Variants in FBXW2 observed in about 807,000 individuals in gnomAD.
The protein encoded by FBXW2 is F-box and WD repeat domain containing 2.
Under a neutral mutation model 46.0 loss-of-function variants are expected in FBXW2, and 12 were observed. That is an observed-to-expected ratio of 0.26 (90% confidence interval 0.17 to 0.42). FBXW2 has a LOEUF of 0.42. Ranked by LOEUF, FBXW2 falls within the 10% of genes least tolerant of loss-of-function variation. FBXW2 has a pLI of 1.00. For synonymous variants in FBXW2, 203 were observed against 209.6 expected, an observed-to-expected ratio of 0.97 and a Z score of 0.27; for missense variants, 360 against 537.0, an observed-to-expected ratio of 0.67 and a Z score of 3.26.
intron 6 of FBXW2, among the ~76,000 whole-genome samples, 160 bp from the exon 7 acceptor site, chr9:120,771,677 C>T (rs1385913384): frequency 6.6e-6 from 1 of 152,200 alleles, no homozygotes; most frequent in Non-Finnish European, 1.5e-5. Flanking sequence ...TCTTAATTCT[C>T]CTGTGCAATC....
At chr9:120,790,611 C>A (rs1588053762) in intron 2 of FBXW2, among the ~76,000 whole-genome samples, 1 of 152,212 alleles carries the variant, frequency 6.6e-6, no homozygotes, top group Admixed American at 6.5e-5. Context: ...CATACACATG[C>A]TGACACACAT....
In FBXW2 at chr9:120,792,980, G is replaced by A. The variant is rs551705028; in HGVS notation, c.-21+169C>T. 8 of 1,533,692 alleles carry A rather than the reference G, an allele frequency of 5.2e-6. No homozygotes were observed. In the South Asian group the frequency reaches 6.0e-5, roughly 12 times the overall value. On this transcript the variant is annotated intron_variant, in intron 2 of 7. Transcript: ENST00000608872. Reference sequence around the variant, plus strand: ...CACTTCATCGTCTTTCAAACGTTTGGTAGCCCTGGGACATCACTGTTAACT... The same window carrying A: ...CACTTCATCGTCTTTCAAACGTTTGATAGCCCTGGGACATCACTGTTAACT...
At chr9:120,774,932 G>A (rs528452436) in intron 5 of FBXW2, among the ~76,000 whole-genome samples, 43 of 152,174 alleles carry the variant, frequency 2.8e-4, no homozygotes, top group Admixed American at 1.6e-3. Context: ...CTTTCCACCC[G>A]CTGGGCCCGT....
chr9:120,791,880 T>G (rs768258434), intron 2 of FBXW2, among the ~76,000 whole-genome samples: 5 of 152,278 alleles, frequency 3.3e-5, no homozygotes, highest in African/African-American at 4.8e-5. Flanking sequence ...TTGCCTTCAG[T>G]ATCAATAATC....
In FBXW2 at chr9:120,760,734, G is replaced by T. The variant is rs1221057020; in HGVS notation, c.*3825C>A. On this transcript the variant is annotated 3_prime_UTR_variant, in exon 8 of 8. Transcript: ENST00000608872. ...CAGTAACAACTTCAAGTTGCCAGCT[G>T]GGTTTGGTCAAAGAAATGTGTAAAG... is the stretch of plus-strand genomic sequence containing the variant. The T allele has an allele frequency of 6.6e-6, 1 of 152,204 alleles. No individual in the cohort carries two copies. The highest frequency in any genetic ancestry group is 1.5e-5 in the Non-Finnish European group (1 of 68,038). 9.4% of individuals were successfully genotyped at this position (152,204 alleles called of 1,614,324 possible).
chr9:120,790,095 A>C (rs2044803798), intron 2 of FBXW2, among the ~76,000 whole-genome samples: 1 of 152,194 alleles, frequency 6.6e-6, no homozygotes, highest in Non-Finnish European at 1.5e-5. Flanking sequence ...ACTTCTAAAA[A>C]ATAATAATTT....
At chr9:120,777,565 T>G (rs1287678628) in intron 4 of FBXW2, among the ~76,000 whole-genome samples, 4 of 152,164 alleles carry the variant, frequency 2.6e-5, no homozygotes, top group Admixed American at 2.6e-4. Context: ...AAGGGAGTTT[T>G]GGAAGGCTGC....
intron 5 of FBXW2, among the ~76,000 whole-genome samples, chr9:120,774,337 CAAAAAAAAAAAA>C (rs34199690): frequency 1.3e-5 from 1 of 76,120 alleles, no homozygotes; most frequent in Non-Finnish European, 2.7e-5. Context: ...AACTCCATCT[CAAAAAAAAAAAA>C]AAAAAAAAAG....
chr9:120,775,976 T>G, intron 5 of FBXW2, 117 bp downstream of exon 5: 9 of 1,217,978 alleles, frequency 7.4e-6, no homozygotes, highest in Non-Finnish European at 1.0e-5. Flanking sequence ...TTATGCTTTG[T>G]AGGTACAGCA....
intron 7 of FBXW2, among the ~76,000 whole-genome samples, chr9:120,766,649 G>A (rs554732119): frequency 4.6e-5 from 7 of 152,120 alleles, no homozygotes; most frequent in South Asian, 2.1e-4. Flanking sequence ...ATTTTTAGTA[G>A]AGATGAGGTT....
In FBXW2 at chr9:120,788,175, A is replaced by C; in HGVS notation, c.84T>G (p.Thr28=). 1.2e-6 allele frequency: 2 copies of C among 1,614,206 alleles called. No homozygotes were observed. Among genetic ancestry groups the C allele is most frequent in the Non-Finnish European group, 8.5e-7 (1 of 1,180,030 alleles). The part of the protein sequence containing the change: ...LSLTDLQKNE[T]LDHLISLSGA... ...CACTCAGACTAATCAGGTGATCCAG[A>C]GTTTCATTTTTCTGCAAGTCCGTCA... The change falls in exon 3 of 8, where the codon ACT becomes ACG. Residue 28 remains threonine, a synonymous_variant. Transcript: ENST00000608872.
chr9:120,781,562 C>T (rs1009034425), intron 3 of FBXW2, among the ~76,000 whole-genome samples: 1 of 150,932 alleles, frequency 6.6e-6, no homozygotes, highest in African/African-American at 2.4e-5. Flanking sequence ...AAACTAGAGG[C>T]AAGAAGGCAG....
At chr9:120,788,949 A>C (rs1347755679) in intron 2 of FBXW2, among the ~76,000 whole-genome samples, 1 of 152,186 alleles carries the variant, frequency 6.6e-6, no homozygotes, top group Non-Finnish European at 1.5e-5. Flanking sequence ...ATGAATTATA[A>C]AAGAACTTAT....
intron 7 of FBXW2, among the ~76,000 whole-genome samples, chr9:120,766,309 G>A (rs1430100452): frequency 6.6e-6 from 1 of 152,142 alleles, no homozygotes; most frequent in Non-Finnish European, 1.5e-5. Flanking sequence ...GACATTATAA[G>A]CTTTAGAAGA....
chr9:120,779,245 TC>T (rs1334062212), intron 3 of FBXW2, among the ~76,000 whole-genome samples: 22 of 152,254 alleles, frequency 1.4e-4, no homozygotes, highest in African/African-American at 5.3e-4. Context: ...TGGTGACAAT[TC>T]AGGACTTTGC....
At position 120,763,419 on chromosome 9, in the gene FBXW2, A is replaced by G. The variant is rs893337005; in HGVS notation, c.*1140T>C. 6.6e-6 allele frequency: 1 copy of G among 152,242 alleles called. No individual in the cohort carries two copies. Among genetic ancestry groups the G allele is most frequent in the Non-Finnish European group, 1.5e-5 (1 of 68,042 alleles). 9.4% of individuals were successfully genotyped at this position (152,242 alleles called of 1,614,324 possible). On this transcript the variant is annotated 3_prime_UTR_variant, in exon 8 of 8. Transcript: ENST00000608872. ...AGATTAAGTTAGAGGCAAAGGAGGA[A>G]GTTAGGTTGGGTTCAGGTATCCTTC...
chr9:120,782,141 A>G (rs1038695462), intron 3 of FBXW2, among the ~76,000 whole-genome samples: 1 of 151,954 alleles, frequency 6.6e-6, no homozygotes. Flanking sequence ...GATTCCACTT[A>G]TATTAGGTTC....
At chr9:120,777,896 G>A (rs1433787596) in intron 4 of FBXW2, among the ~76,000 whole-genome samples, 1 of 152,152 alleles carries the variant, frequency 6.6e-6, no homozygotes, top group Non-Finnish European at 1.5e-5. Context: ...CAAACTGGAT[G>A]TAATCTGTGT....
At chr9:120,773,604 T>C (rs1564454077) in intron 5 of FBXW2, among the ~76,000 whole-genome samples, 1 of 152,330 alleles carries the variant, frequency 6.6e-6, no homozygotes, top group East Asian at 1.9e-4. Context: ...AACATCAGGT[T>C]CTAGCTATTT....
Sources: allele counts gnomAD v4.1 joint callset (sites outside exome capture counted in the v4.1 genomes callset), GRCh38; gene constraint gnomAD v4.1.1; transcripts MANE v1.5; gene names NCBI Gene and HGNC (gene_info 2026-07-23, HGNC 2026-07-21).